LRP12: variants seen among roughly 807,000 people sequenced by gnomAD.
LRP12 encodes the protein low-density lipoprotein receptor-related protein 12.
A neutral mutation model predicts 66.0 loss-of-function variants in LRP12; 14 were observed. The ratio of observed to expected loss-of-function variants is 0.21; its 90% CI spans 0.14 to 0.33. The LOEUF (loss-of-function observed/expected upper bound fraction) is 0.33. Among genes scored for constraint, LRP12 ranks in the 10% least tolerant of loss-of-function variants. The pLI is 1.00. For synonymous variants in LRP12, 357 were observed against 359.1 expected (o/e 0.99, Z 0.07); for missense variants, 889 against 1,053.4 (o/e 0.84, Z 2.16).
intron 1 of LRP12, among the ~76,000 whole-genome samples, chr8:104,550,252 G>A (rs1811706361): frequency 6.6e-6 from 1 of 152,160 alleles, no homozygotes. Flanking sequence ...AAAGTGGCAA[G>A]TGGTGCTACC....
Position 104,491,328 on chromosome 8 carries a change from T to C in LRP12, c.1925A>G (p.His642Arg). Residue 642 changes from histidine (H) to arginine (R), a missense_variant, in exon 7 of 7, where the codon CAT (histidine) becomes CGT (arginine). This residue lies in a region of LRP12 where 800 missense variants were observed against 964.5 expected (regional missense o/e 0.83). Coordinates refer to ENST00000276654, the MANE Select transcript of LRP12 (RefSeq NM_013437.5). ...CACGGAAAACAAACTTCTGTGAGTA[T>C]GATTTCTCTCAGGTTCTCTACTGGT... is the stretch of plus-strand genomic sequence containing the variant. ...QSTSREPERN[H>R]THRSLFSVES... 1 of 1,614,188 alleles carries C rather than the reference T, an allele frequency of 6.2e-7. No homozygotes were observed. Among genetic ancestry groups the C allele is most frequent in the South Asian group, 1.1e-5 (1 of 91,082 alleles).
chr8:104,560,473 C>G (rs1011947903), intron 1 of LRP12, among the ~76,000 whole-genome samples: 8 of 152,224 alleles, frequency 5.3e-5, no homozygotes, highest in Admixed American at 3.3e-4. Context: ...TTGTGCACAG[C>G]AACCTAGGAG....
At chr8:104,539,444 G>C (rs1588496854) in intron 1 of LRP12, among the ~76,000 whole-genome samples, 1 of 151,706 alleles carries the variant, frequency 6.6e-6, no homozygotes, top group East Asian at 1.9e-4. Flanking sequence ...TCATTATCCT[G>C]TCCTATCTAT....
At chr8:104,548,194 A>ATAT (rs561640568) in intron 1 of LRP12, among the ~76,000 whole-genome samples, 3 of 79,648 alleles carry the variant, frequency 3.8e-5, no homozygotes, top group Non-Finnish European at 6.5e-5. Context: ...ATATATATAT[A>ATAT]AATATATGAT....
chr8:104,572,412 T>C (rs551900417), intron 1 of LRP12, among the ~76,000 whole-genome samples: 7 of 152,240 alleles, frequency 4.6e-5, no homozygotes, highest in African/African-American at 1.7e-4. Context: ...CTGTATAATG[T>C]ATAAAACAAA....
chr8:104,566,216 G>A, intron 1 of LRP12: 1 of 675,422 alleles, frequency 1.5e-6, no homozygotes. Flanking sequence ...GCAGCACATA[G>A]AAAGTATACA....
intron 1 of LRP12, 43 bp downstream of exon 1, chr8:104,588,776 C>G (rs372792186): frequency 1.3e-6 from 2 of 1,593,110 alleles, no homozygotes; most frequent in African/African-American, 2.7e-5. Context: ...CGGGTCGCCT[C>G]AGCTTTGTTC....
chr8:104,568,333 C>A (rs545098017), intron 1 of LRP12, among the ~76,000 whole-genome samples: 31 of 152,146 alleles, frequency 2.0e-4, no homozygotes, highest in African/African-American at 7.0e-4. Flanking sequence ...AATTAAAAAA[C>A]CACACCAGAG....
chr8:104,579,468 TAAG>T (rs1812213512), intron 1 of LRP12, among the ~76,000 whole-genome samples: 1 of 152,182 alleles, frequency 6.6e-6, no homozygotes, highest in African/African-American at 2.4e-5. Flanking sequence ...TGTTTATGGG[TAAG>T]AAGAATCAAT....
At chr8:104,562,876 C>A (rs193174238) in intron 1 of LRP12, among the ~76,000 whole-genome samples, 2 of 152,080 alleles carry the variant, frequency 1.3e-5, no homozygotes, top group African/African-American at 4.8e-5. Context: ...AATAGCAAAC[C>A]AAAAGTAATT....
At chr8:104,576,782 A>G (rs113566670) in intron 1 of LRP12, among the ~76,000 whole-genome samples, 7,213 of 152,246 alleles carry the variant, frequency 0.047, 557 homozygotes, top group African/African-American at 0.16. Flanking sequence ...ATGTAAATGG[A>G]ATAAATGCCC....
In LRP12 at chr8:104,489,345, C is replaced by T. The variant is rs1810579699; in HGVS notation, c.*1328G>A. The T allele has an allele frequency of 2.0e-5, 3 of 152,504 alleles. No individual in the cohort carries two copies. Among genetic ancestry groups the T allele is most frequent in the Admixed American group, 1.3e-4 (2 of 15,262 alleles). 9.4% of individuals were successfully genotyped at this position (152,504 alleles called of 1,614,324 possible). On this transcript the variant is annotated 3_prime_UTR_variant, in exon 7 of 7. Coordinates refer to ENST00000276654, the MANE Select transcript of LRP12 (RefSeq NM_013437.5). ...CATTAACACAGACAAATACACAAGA[C>T]TTCAAACATGCTTTAAAATGACATT...
At chr8:104,562,722 T>C (rs546610117) in intron 1 of LRP12, among the ~76,000 whole-genome samples, 14 of 152,286 alleles carry the variant, frequency 9.2e-5, no homozygotes, top group African/African-American at 2.6e-4. Flanking sequence ...AATTGTCTTT[T>C]GTCCATCTAC....
intron 1 of LRP12, among the ~76,000 whole-genome samples, chr8:104,577,378 T>C (rs545083004): frequency 3.3e-5 from 5 of 152,160 alleles, no homozygotes; most frequent in African/African-American, 1.2e-4. Flanking sequence ...TAAAAAACAA[T>C]CTCTTGAACC....
At chr8:104,570,272 A>G (rs906987420) in intron 1 of LRP12, among the ~76,000 whole-genome samples, 1 of 152,226 alleles carries the variant, frequency 6.6e-6, no homozygotes, top group Admixed American at 6.5e-5. Flanking sequence ...TGTAGATAAA[A>G]GCAAGCTGAT....
intron 2 of LRP12, among the ~76,000 whole-genome samples, chr8:104,527,760 C>T (rs1811262288): frequency 6.6e-6 from 1 of 151,930 alleles, no homozygotes; most frequent in South Asian, 2.1e-4. Flanking sequence ...TGCAGCACAC[C>T]AGCATGGCAC....
chr8:104,572,345 T>C (rs757495019), intron 1 of LRP12, among the ~76,000 whole-genome samples: 24 of 152,124 alleles, frequency 1.6e-4, no homozygotes, highest in Non-Finnish European at 2.9e-4. Flanking sequence ...GCTACATGAA[T>C]GTGTACATGT....
intron 2 of LRP12, among the ~76,000 whole-genome samples, chr8:104,517,432 C>T (rs565254116): frequency 6.6e-6 from 1 of 151,772 alleles, no homozygotes; most frequent in East Asian, 1.9e-4. Flanking sequence ...ATTTAATGAC[C>T]CAAATTCTAT....
rs1343986653 is a variant in LRP12, at chr8:104,545,178, G to A, written c.80-13215C>T. On this transcript the variant is annotated intron_variant, in intron 1 of 6. Coordinates refer to ENST00000276654, the MANE Select transcript of LRP12 (RefSeq NM_013437.5). ...CAACAGAACTAGAATTAGAAGTAGA[G>A]CCTGAATATGTGACTGAATTGCTAC... is the stretch of plus-strand genomic sequence containing the variant. 2.6e-5 allele frequency among the ~76,000 whole-genome samples: 4 copies of A among 152,158 alleles called. No individual in the cohort carries two copies. The East Asian group carries it at 7.7e-4, about 29-fold the overall frequency.
Sources: gnomAD v4.1 joint callset for allele counts (sites outside exome capture counted in the v4.1 genomes callset) on GRCh38, gnomAD v4.1.1 for gene constraint, gnomAD v4.1.1 regional missense constraint, MANE v1.5 for transcripts, NCBI Gene and HGNC (gene_info 2026-07-23, HGNC 2026-07-21) for gene names.